BRIP1: variants seen among roughly 807,000 people sequenced by gnomAD.
The protein encoded by BRIP1 is Fanconi anemia group J protein.
A neutral mutation model predicts 119.7 loss-of-function variants in BRIP1; 88 were observed. The ratio of observed to expected loss-of-function variants is 0.74; its 90% CI spans 0.62 to 0.88. The LOEUF (loss-of-function observed/expected upper bound fraction) is 0.88, where lower values mean the gene tolerates loss of function less well. BRIP1 is among the 40% of genes least tolerant of loss of function. BRIP1 has a pLI of 0.00. For synonymous variants in BRIP1, 443 were observed against 496.5 expected, an observed-to-expected ratio of 0.89 and a Z score of 1.43; for missense variants, 1,259 against 1,455.4, an observed-to-expected ratio of 0.87 and a Z score of 2.20.
chr17:61,759,282 A>G lies in BRIP1; in HGVS notation c.2098-14691T>C, dbSNP rs1567793708. On this transcript the variant is annotated intron_variant, in intron 14 of 19. Coordinates refer to ENST00000259008, the MANE Select transcript of BRIP1 (RefSeq NM_032043.3). The surrounding 1 kb of genome is among the most constrained non-coding windows in gnomAD (Gnocchi z 4.9). The stretch of plus-strand genomic sequence containing the variant: ...AAAGAGAGTGGGGTTATCTATACTT[A>G]CATAAGACAAAATAGACTAAGTCAA... Among the ~76,000 whole-genome samples, 1 of 152,146 alleles carries G rather than the reference A, an allele frequency of 6.6e-6. No homozygotes were observed.
chr17:61,764,326 C>T (rs2077320009), intron 14 of BRIP1, among the ~76,000 whole-genome samples: 1 of 152,186 alleles, frequency 6.6e-6, no homozygotes, highest in Non-Finnish European at 1.5e-5. Context: ...CTTCCACCCA[C>T]TTACATTGTA....
In BRIP1 at chr17:61,794,729, T is replaced by A. The variant is rs1300886564; in HGVS notation, c.1341-1000A>T. On this transcript the variant is annotated intron_variant, in intron 9 of 19. Transcript: ENST00000259008. This position sits in a 1 kb window ranked among gnomAD's most constrained non-coding sequence, Gnocchi z 4.3. ...ATAAAATGAAAAAAAAATCAGGTAATTATATACAAATAAATTATGAAAATA... is the reference window on the plus strand; with the variant it reads ...ATAAAATGAAAAAAAAATCAGGTAAATATATACAAATAAATTATGAAAATA... Among the ~76,000 whole-genome samples, 3 of 151,608 alleles carry A rather than the reference T, an allele frequency of 2.0e-5. No individual in the cohort carries two copies. Among genetic ancestry groups the A allele is most frequent in the Non-Finnish European group, 4.4e-5 (3 of 67,860 alleles).
chr17:61,795,793 T>C lies in BRIP1; in HGVS notation c.1341-2064A>G, dbSNP rs2077890627. On this transcript the variant is annotated intron_variant, in intron 9 of 19. Transcript: ENST00000259008. This position sits in a 1 kb window ranked among gnomAD's most constrained non-coding sequence, Gnocchi z 5.6. Reference sequence around the variant, plus strand: ...TCTAGCAGTGGGATTGCTGGATCGTTTGGTAGCTCTATTTTAAGTTTTTTG... The same window carrying C: ...TCTAGCAGTGGGATTGCTGGATCGTCTGGTAGCTCTATTTTAAGTTTTTTG... 6.6e-6 allele frequency among the ~76,000 whole-genome samples: 1 copy of C among 152,200 alleles called. No homozygotes were observed. The highest frequency in any genetic ancestry group is 6.5e-5 in the Admixed American group (1 of 15,268).
At position 61,757,467 on chromosome 17, in the gene BRIP1, T is replaced by A. The variant is rs556775704; in HGVS notation, c.2098-12876A>T. On this transcript the variant is annotated intron_variant, in intron 14 of 19. Coordinates refer to ENST00000259008, the MANE Select transcript of BRIP1 (RefSeq NM_032043.3). This position sits in a 1 kb window ranked among gnomAD's most constrained non-coding sequence, Gnocchi z 4.3. The stretch of plus-strand genomic sequence containing the variant: ...TGGAAATGAAGATCCTACAGCCCTC[T>A]CTGAAAAGGAACACTCTCTCTCATA... 2.0e-4 allele frequency among the ~76,000 whole-genome samples: 30 copies of A among 152,188 alleles called. 1 individual carries two copies. The highest frequency in any genetic ancestry group is 3.4e-3 in the Middle Eastern group (1 of 294).
intron 3 of BRIP1, among the ~76,000 whole-genome samples, chr17:61,859,289 T>C (rs908981050): frequency 1.3e-5 from 2 of 152,124 alleles, no homozygotes. Flanking sequence ...TGACAGCCCA[T>C]CTCTTGCATC....
chr17:61,854,598 T>C (rs2078867756), intron 4 of BRIP1, among the ~76,000 whole-genome samples: 2 of 150,392 alleles, frequency 1.3e-5, no homozygotes, highest in Admixed American at 6.6e-5. Flanking sequence ...TCCTAGCTAC[T>C]TGGGAGGCTG....
Position 61,755,719 on chromosome 17 carries a change from T to C in BRIP1, c.2098-11128A>G, listed in dbSNP as rs934693849. Among the ~76,000 whole-genome samples the C allele has an allele frequency of 5.9e-5, 9 of 152,200 alleles. No individual in the cohort carries two copies. The highest frequency in any genetic ancestry group is 5.2e-4 in the Admixed American group (8 of 15,274). On this transcript the variant is annotated intron_variant, in intron 14 of 19. Transcript: ENST00000259008. This position sits in a 1 kb window ranked among gnomAD's most constrained non-coding sequence, Gnocchi z 4.5. Reference sequence around the variant, plus strand: ...TGGTGAGACTTTGTTCATTCATTCCTTCCTCCCTTCCTTTCTTCTCCCCTC... The same window carrying C: ...TGGTGAGACTTTGTTCATTCATTCCCTCCTCCCTTCCTTTCTTCTCCCCTC...
chr17:61,846,950 C>T lies in BRIP1; in HGVS notation c.627+151G>A, dbSNP rs1468371134. 2 of 836,584 alleles carry T rather than the reference C, an allele frequency of 2.4e-6. No homozygotes were observed. Among genetic ancestry groups the T allele is most frequent in the Non-Finnish European group, 3.8e-6 (2 of 524,726 alleles). 51.8% of individuals were successfully genotyped at this position (836,584 alleles called of 1,614,324 possible). A position where few individuals can be genotyped will look rare whatever the true frequency, so the allele number is the denominator to read the frequency against. ...AGAGAATAGGCTTTGCCATCTCACA[C>T]ATTAGTAACAGAGATGTGACAGCAT... On this transcript the variant is annotated intron_variant, in intron 6 of 19. Transcript: ENST00000259008. This position sits in a 1 kb window ranked among gnomAD's most constrained non-coding sequence, Gnocchi z 4.3.
At position 61,699,057 on chromosome 17, in the gene BRIP1, A is replaced by G. The variant is rs964724890; in HGVS notation, c.2493-5545T>C. ...TTTCTATTAACTTTTTTTTGTCTTA[A>G]GGGTCTATTTTATCTGATATTAGTA... On this transcript the variant is annotated intron_variant, in intron 17 of 19. Coordinates refer to ENST00000259008, the MANE Select transcript of BRIP1 (RefSeq NM_032043.3). The surrounding 1 kb of genome is among the most constrained non-coding windows in gnomAD (Gnocchi z 4.8). Among the ~76,000 whole-genome samples the G allele has an allele frequency of 5.3e-5, 8 of 152,054 alleles. No homozygotes were observed. The highest frequency in any genetic ancestry group is 1.3e-4 in the Admixed American group (2 of 15,266).
rs949525924 is a variant in BRIP1 at position 61,846,276 on chromosome 17, G to C, written c.627+825C>G. 6.6e-6 allele frequency among the ~76,000 whole-genome samples: 1 copy of C among 150,944 alleles called. No individual in the cohort carries two copies. The highest frequency in any genetic ancestry group is 1.5e-5 in the Non-Finnish European group (1 of 67,958). On this transcript the variant is annotated intron_variant, in intron 6 of 19. Coordinates refer to ENST00000259008, the MANE Select transcript of BRIP1 (RefSeq NM_032043.3). This position sits in a 1 kb window ranked among gnomAD's most constrained non-coding sequence, Gnocchi z 4.3. The stretch of plus-strand genomic sequence containing the variant: ...AGAGAGAGAGAAAGAGAGAGAGAGA[G>C]AGGTTGGAGCCAATACCTTGATTTC...
rs1453011519 is a variant in BRIP1 at position 61,803,461 on chromosome 17, G to A, written c.919-1987C>T. 2.0e-5 allele frequency among the ~76,000 whole-genome samples: 3 copies of A among 152,040 alleles called. No individual in the cohort carries two copies. Among genetic ancestry groups the A allele is most frequent in the African/African-American group, 7.2e-5 (3 of 41,410 alleles). ...CTCATGCCTATAATCCCAACATTTTGAGAGGCCAAGGCCGGAGGACTGCAT... is the reference window on the plus strand; with the variant it reads ...CTCATGCCTATAATCCCAACATTTTAAGAGGCCAAGGCCGGAGGACTGCAT... On this transcript the variant is annotated intron_variant, in intron 7 of 19. Coordinates refer to ENST00000259008, the MANE Select transcript of BRIP1 (RefSeq NM_032043.3). The surrounding 1 kb of genome is among the most constrained non-coding windows in gnomAD (Gnocchi z 4.3).
chr17:61,735,518 G>A lies in BRIP1; in HGVS notation c.2379+7495C>T, dbSNP rs2076905081. Among the ~76,000 whole-genome samples the A allele has an allele frequency of 6.6e-6, 1 of 151,974 alleles. No homozygotes were observed. Among genetic ancestry groups the A allele is most frequent in the Admixed American group, 6.6e-5 (1 of 15,258 alleles). On this transcript the variant is annotated intron_variant, in intron 16 of 19. Transcript: ENST00000259008. The surrounding 1 kb of genome is among the most constrained non-coding windows in gnomAD (Gnocchi z 4.4). ...AGAGTACACCTTAGGGCTAGGCACG[G>A]TGGCTCACACTTGTAATCCCAGCAC...
intron 14 of BRIP1, among the ~76,000 whole-genome samples, chr17:61,749,504 A>G (rs915368792): frequency 6.6e-6 from 1 of 152,186 alleles, no homozygotes; most frequent in Non-Finnish European, 1.5e-5. Context: ...AAGATGCTCA[A>G]CATCAGTAAT....
chr17:61,787,866 A>G (rs914982410), intron 10 of BRIP1, among the ~76,000 whole-genome samples: 1 of 151,954 alleles, frequency 6.6e-6, no homozygotes, highest in Non-Finnish European at 1.5e-5. Flanking sequence ...GGATGGTCTC[A>G]ATCTCCTGAC....
In BRIP1 at chr17:61,808,569, T is replaced by C. The variant is rs765027420; in HGVS notation, c.816A>G (p.Pro272=). Residue 272 remains proline (P), a synonymous_variant, in exon 7 of 20, where the codon CCA becomes CCG. Coordinates refer to ENST00000259008, the MANE Select transcript of BRIP1 (RefSeq NM_032043.3). This position sits in a 1 kb window ranked among gnomAD's most constrained non-coding sequence, Gnocchi z 4.1. ...GATCCCTGCTGGAAAGAATAGTCAT[T>C]GGAACCCCTGAATATGCCGTCCTCC... ...ELRRTAYSGV[P]MTILSSRDHT... is the part of the protein sequence containing the mutation. 1 of 1,613,794 alleles carries C rather than the reference T, an allele frequency of 6.2e-7. No individual in the cohort carries two copies. The highest frequency in any genetic ancestry group is 8.5e-7 in the Non-Finnish European group (1 of 1,179,698).
intron 6 of BRIP1, among the ~76,000 whole-genome samples, chr17:61,820,851 G>A (rs144268138): frequency 3.5e-4 from 54 of 152,174 alleles, no homozygotes; most frequent in Non-Finnish European, 6.8e-4. Context: ...TCGGGAGGCT[G>A]GGGCAGGAGA....
At position 61,710,588 on chromosome 17, in the gene BRIP1, G is replaced by A. The variant is rs1459029049; in HGVS notation, c.2492+5363C>T. 6.6e-6 allele frequency among the ~76,000 whole-genome samples: 1 copy of A among 152,200 alleles called. No homozygotes were observed. The highest frequency in any genetic ancestry group is 1.9e-4 in the East Asian group (1 of 5,178). ...ATGATAACTTATAAGCCAAGGCAAA[G>A]CATAATGAAAGAATATAGCATGTTT... is the stretch of plus-strand genomic sequence containing the variant. On this transcript the variant is annotated intron_variant, in intron 17 of 19. Coordinates refer to ENST00000259008, the MANE Select transcript of BRIP1 (RefSeq NM_032043.3). The surrounding 1 kb of genome is among the most constrained non-coding windows in gnomAD (Gnocchi z 5.4).
rs574021328 is a variant in BRIP1 at position 61,738,722 on chromosome 17, T to A, written c.2379+4291A>T. Among the ~76,000 whole-genome samples the A allele has an allele frequency of 5.3e-4, 81 of 152,318 alleles. No individual in the cohort carries two copies. The highest frequency in any genetic ancestry group is 1.9e-3 in the African/African-American group (79 of 41,580). The stretch of plus-strand genomic sequence containing the variant: ...GAGAAATGGAATTTTCTCACAAATG[T>A]ATATTTTTAATTTTAAGAATTTTTG... On this transcript the variant is annotated intron_variant, in intron 16 of 19. Coordinates refer to ENST00000259008, the MANE Select transcript of BRIP1 (RefSeq NM_032043.3). The surrounding 1 kb of genome is among the most constrained non-coding windows in gnomAD (Gnocchi z 4.2).
rs1438992533 is a variant in BRIP1, at chr17:61,780,094, G to A, written c.1935+167C>T. On this transcript the variant is annotated intron_variant, in intron 13 of 19. Transcript: ENST00000259008. The surrounding 1 kb of genome is among the most constrained non-coding windows in gnomAD (Gnocchi z 5.4). ...AGTGACTGGATTATTTCCTTCTGTT[G>A]ACACATCATTAAGTAGCTGACAGAT... Among the ~76,000 whole-genome samples, 1 of 152,140 alleles carries A rather than the reference G, an allele frequency of 6.6e-6. No individual in the cohort carries two copies.
Sources: gnomAD v4.1 joint callset for allele counts (sites outside exome capture counted in the v4.1 genomes callset) on GRCh38, gnomAD v4.1.1 for gene constraint, Gnocchi (gnomAD v3.1) non-coding constraint, MANE v1.5 for transcripts, NCBI Gene and HGNC (gene_info 2026-07-23, HGNC 2026-07-21) for gene names.